SNX3: variants seen among roughly 807,000 people sequenced by gnomAD.
SNX3 encodes the protein sorting nexin-3.
Under a neutral mutation model 17.7 loss-of-function variants are expected in SNX3, and 5 were observed. That is an observed-to-expected ratio of 0.28 (90% CI 0.15 to 0.59). The LOEUF (loss-of-function observed/expected upper bound fraction) is 0.59, where lower values mean the gene tolerates loss of function less well. Ranked by LOEUF, SNX3 falls within the 20% of genes least tolerant of loss-of-function variation. The pLI is 0.88. For synonymous variants in SNX3, 91 were observed against 76.5 expected, an observed-to-expected ratio of 1.19 and a Z score of -0.99; for missense variants, 132 against 206.8, an observed-to-expected ratio of 0.64 and a Z score of 2.22.
At chr6:108,217,817 G>A (rs919948064) in intron 2 of SNX3, among the ~76,000 whole-genome samples, 1 of 151,864 alleles carries the variant, frequency 6.6e-6, no homozygotes, top group Non-Finnish European at 1.5e-5. Flanking sequence ...GCGTGCATGT[G>A]GGGTGAGAAA....
At position 108,261,008 on chromosome 6, in the gene SNX3, G is replaced by C; in HGVS notation, c.-87C>G. On this transcript the variant is annotated 5_prime_UTR_variant, in exon 1 of 4. Transcript: ENST00000230085. ...CGCCGCCGCTGCTGCCCGCCGTGGGGACACGGGGCTCGCGCGCAGCGGTCG... is the reference window on the plus strand; with the variant it reads ...CGCCGCCGCTGCTGCCCGCCGTGGGCACACGGGGCTCGCGCGCAGCGGTCG... 2 of 1,270,276 alleles carry C rather than the reference G, an allele frequency of 1.6e-6. No individual in the cohort carries two copies. Among genetic ancestry groups the C allele is most frequent in the South Asian group, 1.7e-5 (1 of 57,840 alleles). 78.7% of individuals were successfully genotyped at this position (1,270,276 alleles called of 1,614,324 possible).
intron 2 of SNX3, chr6:108,222,196 G>C (rs1348387468): frequency 1.5e-5 from 20 of 1,302,742 alleles, no homozygotes; most frequent in Non-Finnish European, 2.0e-5. Flanking sequence ...CCTTCATCTA[G>C]TTCAGGACTC....
At chr6:108,259,946 G>C (rs541950178) in intron 1 of SNX3, among the ~76,000 whole-genome samples, 1 of 152,272 alleles carries the variant, frequency 6.6e-6, no homozygotes, top group East Asian at 1.9e-4. Context: ...CTGAATTATA[G>C]AGTGAAAGTG....
intron 1 of SNX3, among the ~76,000 whole-genome samples, chr6:108,225,356 T>C (rs950039364): frequency 6.6e-6 from 1 of 152,146 alleles, no homozygotes; most frequent in Non-Finnish European, 1.5e-5. Flanking sequence ...CCCAGCTCTT[T>C]GGGAGGCCGA....
chr6:108,244,647 G>GTTTTTTTTTTTTT (rs1021781550), intron 1 of SNX3, among the ~76,000 whole-genome samples: 130 of 87,240 alleles, frequency 1.5e-3, no homozygotes, highest in Non-Finnish European at 1.6e-3. Context: ...TAAGTAAGGA[G>GTTTTTTTTTTTTT]TTTTTTTTTT....
chr6:108,212,793 A>C (rs1277102324), intron 3 of SNX3, among the ~76,000 whole-genome samples: 1 of 152,098 alleles, frequency 6.6e-6, no homozygotes, highest in Non-Finnish European at 1.5e-5. Context: ...CATGTACCCA[A>C]TTAGCTTTAC....
At chr6:108,233,075 A>G (rs1489920357) in intron 1 of SNX3, among the ~76,000 whole-genome samples, 2 of 152,250 alleles carry the variant, frequency 1.3e-5, no homozygotes, top group Non-Finnish European at 2.9e-5. Context: ...CCTTTATGGT[A>G]TAATTTCCAA....
rs762692219 is a variant in SNX3, at chr6:108,260,968, G to A, written c.-47C>T. The A allele has an allele frequency of 7.6e-6, 11 of 1,450,968 alleles. No homozygotes were observed. The highest frequency in any genetic ancestry group is 1.9e-4 in the Middle Eastern group (1 of 5,242). The allele number at this position is 1,450,968 out of a possible 1,614,324, so 89.9% of individuals were successfully genotyped here. On this transcript the variant is annotated 5_prime_UTR_variant, in exon 1 of 4. Coordinates refer to ENST00000230085, the MANE Select transcript of SNX3 (RefSeq NM_003795.6). ...GCCGCGGGCTCCCTCCGCCCCCTCC[G>A]CGTTCAGCCGCCGCCGCCGCCGCTG...
At chr6:108,246,296 A>G (rs1775686060) in intron 1 of SNX3, among the ~76,000 whole-genome samples, 1 of 147,424 alleles carries the variant, frequency 6.8e-6, no homozygotes, top group African/African-American at 2.5e-5. Flanking sequence ...GAAATTCTTA[A>G]AAGAGCTTTG....
intron 1 of SNX3, among the ~76,000 whole-genome samples, chr6:108,226,085 T>C (rs541216846): frequency 6.6e-6 from 1 of 151,844 alleles, no homozygotes; most frequent in Non-Finnish European, 1.5e-5. Context: ...AGAAAGATTT[T>C]ATTTTATTTG....
At chr6:108,223,898 A>C (rs1711724135) in intron 1 of SNX3, among the ~76,000 whole-genome samples, 1 of 152,122 alleles carries the variant, frequency 6.6e-6, no homozygotes, top group African/African-American at 2.4e-5. Flanking sequence ...TATTTACATA[A>C]ATGTAGGTCA....
chr6:108,231,335 T>C (rs1775148593), intron 1 of SNX3, among the ~76,000 whole-genome samples: 2 of 152,350 alleles, frequency 1.3e-5, no homozygotes, highest in African/African-American at 4.8e-5. Context: ...TCCACCCGCC[T>C]CAACCTCCCA....
At chr6:108,219,230 A>C (rs1774680246) in intron 2 of SNX3, among the ~76,000 whole-genome samples, 2 of 152,138 alleles carry the variant, frequency 1.3e-5, no homozygotes, top group Admixed American at 1.3e-4. Flanking sequence ...AAAAAAAAGC[A>C]AAATATACAC....
intron 1 of SNX3, among the ~76,000 whole-genome samples, chr6:108,240,895 C>T (rs1775495261): frequency 6.6e-6 from 1 of 151,832 alleles, no homozygotes; most frequent in Non-Finnish European, 1.5e-5. Flanking sequence ...ATAATCCTAG[C>T]ACTTTGGGAG....
rs1775101534 is a variant in SNX3, at chr6:108,230,223, A to C, written c.163-7178T>G. Among the ~76,000 whole-genome samples, 2 of 152,126 alleles carry C rather than the reference A, an allele frequency of 1.3e-5. 1 individual carries two copies. Among genetic ancestry groups the C allele is most frequent in the South Asian group, 4.1e-4 (2 of 4,830 alleles). On this transcript the variant is annotated intron_variant, in intron 1 of 3. Transcript: ENST00000230085. ...TACTTTAAGATGACTAAAACTTTTG[A>C]AATTTAAACAGCAAGATTTAGTATT...
rs141758862 is a variant in SNX3 at position 108,251,475 on chromosome 6, C to A, written c.162+9285G>T. Among the ~76,000 whole-genome samples the A allele has an allele frequency of 4.2e-3, 644 of 152,216 alleles. 1 individual carries two copies. The highest frequency in any genetic ancestry group is 6.8e-3 in the Non-Finnish European group (461 of 68,016). ...TCTTTTGTAGCTAAGTACAGCAATGCGCAGAAACAGAAATAATACGACTTC... is the reference window on the plus strand; with the variant it reads ...TCTTTTGTAGCTAAGTACAGCAATGAGCAGAAACAGAAATAATACGACTTC... On this transcript the variant is annotated intron_variant, in intron 1 of 3. Coordinates refer to ENST00000230085, the MANE Select transcript of SNX3 (RefSeq NM_003795.6).
chr6:108,230,819 G>A (rs1430588622), intron 1 of SNX3, among the ~76,000 whole-genome samples: 2 of 152,134 alleles, frequency 1.3e-5, no homozygotes, highest in Non-Finnish European at 2.9e-5. Context: ...GTAATTACCT[G>A]CATCTCAAAA....
At chr6:108,228,702 A>G (rs979647295) in intron 1 of SNX3, among the ~76,000 whole-genome samples, 1 of 152,152 alleles carries the variant, frequency 6.6e-6, no homozygotes, top group Non-Finnish European at 1.5e-5. Flanking sequence ...GGTCTCAAAA[A>G]AAAGGGGGGC....
intron 1 of SNX3, among the ~76,000 whole-genome samples, chr6:108,251,479 G>C (rs1442746164): frequency 9.9e-5 from 15 of 152,246 alleles, no homozygotes; most frequent in Admixed American, 9.8e-4. Context: ...GCAATGCGCA[G>C]AAACAGAAAT....
Sources: allele counts gnomAD v4.1 joint callset (sites outside exome capture counted in the v4.1 genomes callset), GRCh38; gene constraint gnomAD v4.1.1; transcripts MANE v1.5; gene names NCBI Gene and HGNC (gene_info 2026-07-23, HGNC 2026-07-21).